Variants in ECM2 observed in about 807,000 individuals in gnomAD.
The protein encoded by ECM2 is extracellular matrix protein 2, female organ and adipocyte specific.
A neutral mutation model predicts 67.5 loss-of-function variants in ECM2; 57 were observed. The observed-to-expected ratio is 0.84, with a 90% CI of 0.68 to 1.05. The LOEUF is 1.05. ECM2 is among the 50% of genes least tolerant of loss of function. The pLI, the probability that ECM2 is intolerant of heterozygous loss-of-function variation, is 0.00. For synonymous variants in ECM2, 258 were observed against 294.5 expected (o/e 0.88, Z 1.27); for missense variants, 741 against 822.8 (o/e 0.90, Z 1.22).
rs1472651016 is a variant in ECM2, at chr9:92,512,047, A to G, written c.1134T>C (p.Asn378=). ...NLERLDLSKN[N]ITSSGIGPKA... is the part of the protein sequence containing the mutation. Reference sequence around the variant, plus strand: ...TTGGACCTATGCCTGAAGAAGTGATATTATTTTTACTCAGATCAAGCCTTT... The same window carrying G: ...TTGGACCTATGCCTGAAGAAGTGATGTTATTTTTACTCAGATCAAGCCTTT... Residue 378 remains asparagine (N), a synonymous_variant, in exon 5 of 10, where the codon AAT becomes AAC. Transcript: ENST00000344604. The G allele has an allele frequency of 1.9e-6, 3 of 1,613,498 alleles. No homozygotes were observed. The highest frequency in any genetic ancestry group is 1.7e-6 in the Non-Finnish European group (2 of 1,179,664).
chr9:92,557,487 C>T, the ECM2 span, among the ~76,000 whole-genome samples: 5 of 152,178 alleles, frequency 3.3e-5, no homozygotes, highest in African/African-American at 1.2e-4. Flanking sequence ...TTAACATAAT[C>T]CCAGACTTCT....
At chr9:92,549,661 AAAC>A in the ECM2 span, among the ~76,000 whole-genome samples, 1 of 151,566 alleles carries the variant, frequency 6.6e-6, no homozygotes, top group African/African-American at 2.4e-5. Context: ...AAAAAAAACA[AAAC>A]AAAACAAAAC....
chr9:92,544,712 A>AT, the ECM2 span, among the ~76,000 whole-genome samples: 25,732 of 132,192 alleles, frequency 0.19, 3,480 homozygotes, highest in East Asian at 0.64. Flanking sequence ...ATCACTATAA[A>AT]TTTTTTTTTT....
chr9:92,509,680 A>G (rs571337378), intron 6 of ECM2, among the ~76,000 whole-genome samples: 15 of 152,226 alleles, frequency 9.9e-5, no homozygotes, highest in South Asian at 2.1e-4. Context: ...TTGAGAAACA[A>G]TGTTATTCAT....
At chr9:92,552,020 ATAGATCTATCATATATGTGATATTATAGG>A in the ECM2 span, among the ~76,000 whole-genome samples, 1 of 136,880 alleles carries the variant, frequency 7.3e-6, no homozygotes, top group African/African-American at 3.0e-5. Context: ...ATATGATATG[ATAGATCTATCATATATGTGATATTATAGG>A]TCTATCATAT....
the ECM2 span, among the ~76,000 whole-genome samples, chr9:92,545,284 G>A: frequency 8.5e-5 from 13 of 152,302 alleles, no homozygotes; most frequent in South Asian, 4.1e-4. Context: ...AGAGGTACGG[G>A]CGGGAACCAG....
chr9:92,518,925 G>A (rs1847895518), intron 2 of ECM2, among the ~76,000 whole-genome samples: 1 of 152,082 alleles, frequency 6.6e-6, no homozygotes, highest in Non-Finnish European at 1.5e-5. Flanking sequence ...ATGATGCAGT[G>A]CATATATTCA....
chr9:92,499,417 A>G (rs1157760295), intron 9 of ECM2, among the ~76,000 whole-genome samples: 2 of 152,228 alleles, frequency 1.3e-5, no homozygotes, highest in African/African-American at 4.8e-5. Flanking sequence ...TGGCAAAAAT[A>G]GAAATTCATC....
chr9:92,533,581 T>C (rs988345581), intron 1 of ECM2, among the ~76,000 whole-genome samples: 1 of 151,764 alleles, frequency 6.6e-6, no homozygotes, highest in Admixed American at 6.6e-5. Flanking sequence ...TTTCTCACCC[T>C]TTCTAGTTAT....
intron 2 of ECM2, among the ~76,000 whole-genome samples, chr9:92,522,136 G>T (rs1398249280): frequency 6.6e-6 from 1 of 152,066 alleles, no homozygotes; most frequent in African/African-American, 2.4e-5. Flanking sequence ...GCCCAGGCTG[G>T]AGTGCAGTGG....
At chr9:92,536,091 C>T, upstream of ECM2, 1 of 477,428 alleles carries the variant, frequency 2.1e-6, no homozygotes, top group Middle Eastern at 3.3e-4. Context: ...TAACTGCCTC[C>T]CTTGGGGATA....
intron 1 of ECM2, among the ~76,000 whole-genome samples, chr9:92,533,318 AAAAAAAAAAAAT>A (rs1379720982): frequency 3.2e-4 from 30 of 94,838 alleles, no homozygotes; most frequent in African/African-American, 1.1e-3. Flanking sequence ...AAAAAAAAAA[AAAAAAAAAAAAT>A]ATATATATAT....
upstream of ECM2, among the ~76,000 whole-genome samples, chr9:92,539,775 A>C (rs1319828245): frequency 6.6e-6 from 1 of 152,180 alleles, no homozygotes; most frequent in Admixed American, 6.5e-5. Flanking sequence ...AGCTGAACTT[A>C]CTTTCCCAAT....
chr9:92,540,335 G>GT (rs1491090868), upstream of ECM2, among the ~76,000 whole-genome samples: 1 of 152,024 alleles, frequency 6.6e-6, no homozygotes, highest in Non-Finnish European at 1.5e-5. Context: ...CTACTTGGGA[G>GT]GCTGAGGCAG....
intron 1 of ECM2, among the ~76,000 whole-genome samples, chr9:92,525,689 G>A (rs896386980): frequency 2.0e-5 from 3 of 151,950 alleles, no homozygotes; most frequent in East Asian, 1.9e-4. Context: ...TCAGGAGTTC[G>A]AGACCAGCCT....
the ECM2 span, among the ~76,000 whole-genome samples, chr9:92,550,395 C>CA: frequency 1.9e-3 from 277 of 145,884 alleles, no homozygotes; most frequent in Middle Eastern, 0.014. Context: ...GACTCTGTCT[C>CA]AAAAAAAAAA....
intron 1 of ECM2, among the ~76,000 whole-genome samples, chr9:92,529,667 A>C (rs916007772): frequency 3.3e-5 from 5 of 152,226 alleles, no homozygotes; most frequent in Non-Finnish European, 1.5e-5. Context: ...ACATGGAAGA[A>C]CCTTAAATGC....
intron 1 of ECM2, among the ~76,000 whole-genome samples, chr9:92,532,055 C>T (rs1848831496): frequency 1.3e-5 from 1 of 79,376 alleles, no homozygotes; most frequent in Admixed American, 1.3e-4. Flanking sequence ...GAGATGAGGT[C>T]TCACTATGTT....
intron 4 of ECM2, among the ~76,000 whole-genome samples, chr9:92,512,429 AC>A (rs760820107): frequency 3.3e-5 from 5 of 152,212 alleles, no homozygotes; most frequent in Non-Finnish European, 7.3e-5. Context: ...AGTACTGGTA[AC>A]ATTGTACATT....
Sources: allele counts gnomAD v4.1 joint callset (sites outside exome capture counted in the v4.1 genomes callset), GRCh38; gene constraint gnomAD v4.1.1; transcripts MANE v1.5; gene names NCBI Gene and HGNC (gene_info 2026-07-23, HGNC 2026-07-21).